Variants in AFF3 observed in about 807,000 individuals in gnomAD.
AFF3 encodes AF4/FMR2 family member 3.
AFF3 carries 32 observed loss-of-function variants against 129.7 expected under a neutral mutation model. The ratio of observed to expected loss-of-function variants is 0.25; its 90% CI spans 0.19 to 0.33. AFF3 has a LOEUF of 0.33. AFF3 is among the 10% of genes least tolerant of loss of function. The pLI is 1.00. For synonymous variants in AFF3, 644 were observed against 635.4 expected, an observed-to-expected ratio of 1.01 and a Z score of -0.20; for missense variants, 1,373 against 1,592.0, an observed-to-expected ratio of 0.86 and a Z score of 2.34.
At chr2:100,104,278 C>G (rs1319241210) in intron 4 of AFF3, 124 bp downstream of exon 4, 1 of 145,398 alleles carries the variant, frequency 6.9e-6, no homozygotes, top group Non-Finnish European at 1.5e-5. Flanking sequence ...CAGGCGCCCC[C>G]GACCCACCCC....
intron 7 of AFF3, among the ~76,000 whole-genome samples, chr2:99,855,992 T>C (rs1594113): frequency 0.79 from 119,514 of 152,000 alleles, 47,768 homozygotes; most frequent in South Asian, 0.93. Flanking sequence ...ATCATACAAA[T>C]CCAAATTGAG....
At chr2:99,974,224 A>C (rs2104449675) in intron 7 of AFF3, among the ~76,000 whole-genome samples, 1 of 152,156 alleles carries the variant, frequency 6.6e-6, no homozygotes, top group East Asian at 1.9e-4. Flanking sequence ...AATTAAGTGA[A>C]TCTCTATAAT....
chr2:100,121,791 G>A (rs895180907), intron 2 of AFF3, among the ~76,000 whole-genome samples: 4 of 152,274 alleles, frequency 2.6e-5, no homozygotes, highest in Admixed American at 6.5e-5. Flanking sequence ...GGCCGGGCGC[G>A]GTGGCTCACG....
In AFF3 at chr2:99,546,029, T is replaced by A. The variant is rs1261504453; in HGVS notation, c.*5445A>T. ...GTAATATTGAAAAACTGTGCTCTTC[T>A]GAGAATGGGAAAATGAGGACATAAA... On this transcript the variant is annotated 3_prime_UTR_variant, in exon 25 of 25. Transcript: ENST00000672756. 4 of 224,788 alleles carry A rather than the reference T, an allele frequency of 1.8e-5. No individual in the cohort carries two copies. Among genetic ancestry groups the A allele is most frequent in the Non-Finnish European group, 3.5e-5 (4 of 112,836 alleles). The allele number at this position is 224,788 out of a possible 1,614,324, so 13.9% of individuals were successfully genotyped here. A position where few individuals can be genotyped will look rare whatever the true frequency, so the allele number is the denominator to read the frequency against.
intron 1 of AFF3, among the ~76,000 whole-genome samples, chr2:100,138,672 A>G (rs1323148737): frequency 6.6e-6 from 1 of 152,168 alleles, no homozygotes; most frequent in Non-Finnish European, 1.5e-5. Flanking sequence ...GGCCGGGTGC[A>G]GTGGCTCATG....
At chr2:99,722,740 A>C (rs1679018289) in intron 11 of AFF3, among the ~76,000 whole-genome samples, 1 of 152,180 alleles carries the variant, frequency 6.6e-6, no homozygotes, top group African/African-American at 2.4e-5. Context: ...TCAAGGATTG[A>C]TGGAAATTTA....
At chr2:99,922,072 GGATATGGAGTAAC>G (rs923596101) in intron 7 of AFF3, among the ~76,000 whole-genome samples, 9 of 152,082 alleles carry the variant, frequency 5.9e-5, no homozygotes, top group East Asian at 1.9e-4. Context: ...CTGTTGATGA[GGATATGGAGTAAC>G]GATATGGAGT....
intron 12 of AFF3, among the ~76,000 whole-genome samples, chr2:99,670,230 T>C (rs1471132080): frequency 1.3e-5 from 2 of 150,684 alleles, no homozygotes; most frequent in East Asian, 3.9e-4. Context: ...AAACCTCAGA[T>C]AGGAGTGTTC....
chr2:100,123,980 G>A lies in AFF3; in HGVS notation c.-145+5244C>T, dbSNP rs908868246. Among the ~76,000 whole-genome samples, 30 of 152,222 alleles carry A rather than the reference G, an allele frequency of 2.0e-4. No individual in the cohort carries two copies. In the East Asian group the frequency reaches 5.6e-3, roughly 28 times the overall value. On this transcript the variant is annotated intron_variant, in intron 2 of 24. Transcript: ENST00000672756. ...TAATTAATATGCCAGGGGGATTTGGGAGAAAATATTACACTCTTAAAAGCA... is the reference window on the plus strand; with the variant it reads ...TAATTAATATGCCAGGGGGATTTGGAAGAAAATATTACACTCTTAAAAGCA...
At chr2:99,665,264 G>A (rs941415690) in intron 12 of AFF3, among the ~76,000 whole-genome samples, 1 of 152,364 alleles carries the variant, frequency 6.6e-6, no homozygotes, top group African/African-American at 2.4e-5. Flanking sequence ...CTGTGGGGAG[G>A]CTGTATTACA....
At chr2:99,844,386 C>T (rs193121545) in intron 7 of AFF3, among the ~76,000 whole-genome samples, 52 of 150,602 alleles carry the variant, frequency 3.5e-4, no homozygotes, top group African/African-American at 1.1e-3. Context: ...GTAACCAATG[C>T]GTAATTTCTC....
At chr2:99,623,156 T>C (rs1682203740) in intron 13 of AFF3, among the ~76,000 whole-genome samples, 1 of 150,806 alleles carries the variant, frequency 6.6e-6, no homozygotes, top group East Asian at 1.9e-4. Context: ...TGGTTCTTTT[T>C]TTTTTTTTTT....
At chr2:99,708,799 T>G (rs898660976) in intron 11 of AFF3, among the ~76,000 whole-genome samples, 1 of 152,182 alleles carries the variant, frequency 6.6e-6, no homozygotes, top group African/African-American at 2.4e-5. Context: ...AATTATTAAT[T>G]CAGGTGTATT....
At chr2:99,980,797 T>G (rs574282950) in intron 7 of AFF3, among the ~76,000 whole-genome samples, 1 of 152,314 alleles carries the variant, frequency 6.6e-6, no homozygotes, top group Non-Finnish European at 1.5e-5. Flanking sequence ...ATGAGTTACT[T>G]CTGATTATAA....
chr2:99,616,069 C>T (rs1681395782), intron 13 of AFF3, among the ~76,000 whole-genome samples: 1 of 152,174 alleles, frequency 6.6e-6, no homozygotes, highest in Non-Finnish European at 1.5e-5. Flanking sequence ...TTGAGGGCAC[C>T]TCTGTAAACC....
intron 13 of AFF3, among the ~76,000 whole-genome samples, chr2:99,623,619 C>T (rs1277127171): frequency 1.3e-5 from 2 of 152,186 alleles, no homozygotes; most frequent in African/African-American, 4.8e-5. Flanking sequence ...GGGACTGCAA[C>T]CTTTGAACTG....
chr2:99,679,255 G>A (rs1674298494), intron 11 of AFF3, among the ~76,000 whole-genome samples: 1 of 152,136 alleles, frequency 6.6e-6, no homozygotes, highest in Non-Finnish European at 1.5e-5. Flanking sequence ...CTCCCTCCCG[G>A]GGAGGGATTG....
At chr2:99,647,190 C>T (rs368288823) in intron 13 of AFF3, among the ~76,000 whole-genome samples, 162 of 152,270 alleles carry the variant, frequency 1.1e-3, no homozygotes, top group African/African-American at 3.8e-3. Context: ...ATTATAAAGA[C>T]ACATGCACGT....
At chr2:99,746,509 G>C (rs1575852645) in intron 9 of AFF3, among the ~76,000 whole-genome samples, 1 of 152,332 alleles carries the variant, frequency 6.6e-6, no homozygotes, top group Non-Finnish European at 1.5e-5. Context: ...GTCATATGCA[G>C]ATGCCTAATA....
Sources: allele counts gnomAD v4.1 joint callset (sites outside exome capture counted in the v4.1 genomes callset), GRCh38; gene constraint gnomAD v4.1.1; transcripts MANE v1.5; gene names NCBI Gene and HGNC (gene_info 2026-07-23, HGNC 2026-07-21).